Variants in CENPA observed in about 807,000 individuals in gnomAD.
CENPA encodes histone H3-like centromeric protein A.
A neutral mutation model predicts 17.2 loss-of-function variants in CENPA; 7 were observed. The observed-to-expected ratio is 0.41, with a 90% CI of 0.23 to 0.76. The LOEUF is 0.76. Among genes scored for constraint, CENPA ranks in the 30% least tolerant of loss-of-function variants. The pLI is 0.34. For missense variants in CENPA, 149 were observed against 193.1 expected, an observed-to-expected ratio of 0.77 and a Z score of 1.35; for synonymous variants, 82 against 77.4, an observed-to-expected ratio of 1.06 and a Z score of -0.31.
At position 26,792,134 on chromosome 2, in the gene CENPA, C is replaced by G; in HGVS notation, c.104C>G (p.Ala35Gly). 6.2e-7 allele frequency: 1 copy of G among 1,613,686 alleles called. No homozygotes were observed. ...AACTTACCTTTCTTTTGCTCAGGCG[C>G]TTCCTCCCATCAACACAGTCGGCGG... ...GPSRRGPSLG[A>G]SSHQHSRRRQ... Residue 35 changes from alanine to glycine, a missense_variant, in exon 2 of 5, where the codon GCT (alanine) becomes GGT (glycine). Around this residue, in one of 2 missense-constraint regions of CENPA, gnomAD observed 95 missense variants for 87.5 expected, o/e 1.09. Coordinates refer to ENST00000335756, the MANE Select transcript of CENPA (RefSeq NM_001809.4).
intron 1 of CENPA, among the ~76,000 whole-genome samples, chr2:26,791,182 G>A (rs1007357): frequency 0.28 from 42,173 of 151,938 alleles, 6,442 homozygotes; most frequent in Non-Finnish European, 0.34. Flanking sequence ...TTGACTGCTT[G>A]GCTCAGATAC....
At chr2:26,786,459 G>A (rs552968726) in intron 1 of CENPA, among the ~76,000 whole-genome samples, 163 bp downstream of exon 1, 1 of 152,258 alleles carries the variant, frequency 6.6e-6, no homozygotes, top group Non-Finnish European at 1.5e-5. Context: ...CCTGCGAGGG[G>A]CTGGAGCAGG....
chr2:26,791,731 G>C (rs1664617919), intron 1 of CENPA, among the ~76,000 whole-genome samples: 1 of 152,156 alleles, frequency 6.6e-6, no homozygotes, highest in South Asian at 2.1e-4. Context: ...AAAGATCTAA[G>C]ACTTGTACAA....
rs758648477 is a variant in CENPA at position 26,792,815 on chromosome 2, C to T, written c.270C>T (p.Ala90=). 1.9e-6 allele frequency: 3 copies of T among 1,614,104 alleles called. No individual in the cohort carries two copies. The highest frequency in any genetic ancestry group is 2.5e-6 in the Non-Finnish European group (3 of 1,180,014). The change falls in exon 3 of 5, where the codon GCC becomes GCT. Residue 90 remains alanine, a synonymous_variant. Transcript: ENST00000335756. ...TGGACTTCAATTGGCAAGCCCAGGC[C>T]CTATTGGCCCTACAAGAGGTAAGAA... ...RGVDFNWQAQ[A]LLALQEAAEA... is the part of the protein sequence containing the mutation.
At chr2:26,789,545 C>A (rs1664578684) in intron 1 of CENPA, among the ~76,000 whole-genome samples, 1 of 151,970 alleles carries the variant, frequency 6.6e-6, no homozygotes, top group South Asian at 2.1e-4. Flanking sequence ...CCCCAGATAC[C>A]TATATCTAAC....
intron 1 of CENPA, among the ~76,000 whole-genome samples, chr2:26,787,360 C>T (rs563665719): frequency 2.6e-5 from 4 of 151,510 alleles, no homozygotes; most frequent in Non-Finnish European, 5.9e-5. Context: ...GGACTACAGG[C>T]GCCTACCACC....
At chr2:26,788,243 C>T (rs1664548317) in intron 1 of CENPA, among the ~76,000 whole-genome samples, 1 of 152,182 alleles carries the variant, frequency 6.6e-6, no homozygotes, top group African/African-American at 2.4e-5. Flanking sequence ...CCTTGACCTC[C>T]TGGGCTCATG....
chr2:26,787,517 C>T (rs1226198204), intron 1 of CENPA, among the ~76,000 whole-genome samples: 2 of 150,456 alleles, frequency 1.3e-5, no homozygotes, highest in African/African-American at 4.9e-5. Context: ...GCCCGGCCGG[C>T]TTTTTGGTTT....
Position 26,786,204 on chromosome 2 carries a change from C to T in CENPA, c.8C>T (p.Pro3Leu). MG[P>L]RRRSRKPEAP... ...CACCCTCTGCGGCGTGTCATGGGCC[C>T]GCGCCGCCGGAGCCGAAAGCCCGAG... Residue 3 changes from proline to leucine, a missense_variant, in exon 1 of 5, where the codon CCG becomes CTG. This residue lies in a region of CENPA where 95 missense variants were observed against 87.5 expected (regional missense o/e 1.09). Coordinates refer to ENST00000335756, the MANE Select transcript of CENPA (RefSeq NM_001809.4). The T allele has an allele frequency of 6.9e-7, 1 of 1,442,390 alleles. No individual in the cohort carries two copies. The highest frequency in any genetic ancestry group is 9.1e-7 in the Non-Finnish European group (1 of 1,103,994). 89.3% of individuals were successfully genotyped at this position (1,442,390 alleles called of 1,614,324 possible). A position where few individuals can be genotyped will look rare whatever the true frequency, so the allele number is the denominator to read the frequency against.
At chr2:26,786,372 A>G in intron 1 of CENPA, 76 bp downstream of exon 1, 1 of 1,271,790 alleles carries the variant, frequency 7.9e-7, no homozygotes. Flanking sequence ...CCGAGTCCCG[A>G]TCCCGTGGCA....
At chr2:26,792,701 A>G (rs1664643331) in intron 2 of CENPA, 55 bp from the exon 3 acceptor site, 15 of 1,390,824 alleles carry the variant, frequency 1.1e-5, no homozygotes, top group Non-Finnish European at 1.4e-5. Flanking sequence ...TGTCCCTTGA[A>G]TCTCTCTTCT....
chr2:26,788,978 T>C (rs1394538719), intron 1 of CENPA, among the ~76,000 whole-genome samples: 1 of 152,182 alleles, frequency 6.6e-6, no homozygotes, highest in African/African-American at 2.4e-5. Flanking sequence ...CCTGGCCGTA[T>C]TTACGATCTT....
At position 26,786,067 on chromosome 2, in the gene CENPA, A is replaced by G; in HGVS notation, c.-130A>G. 2.4e-6 allele frequency: 3 copies of G among 1,245,202 alleles called. No homozygotes were observed. Among genetic ancestry groups the G allele is most frequent in the African/African-American group, 3.1e-5 (2 of 63,732 alleles). The allele number at this position is 1,245,202 out of a possible 1,614,324, so 77.1% of individuals were successfully genotyped here. A position where few individuals can be genotyped will look rare whatever the true frequency, so the allele number is the denominator to read the frequency against. On this transcript the variant is annotated 5_prime_UTR_variant, in exon 1 of 5. Coordinates refer to ENST00000335756, the MANE Select transcript of CENPA (RefSeq NM_001809.4). ...AACGCGAGCGGCGCGGACTTCTGCC[A>G]AGCACCGGCTCATGTGAGGCTCGCG...
At position 26,793,295 on chromosome 2, in the gene CENPA, G is replaced by GTTTCT; in HGVS notation, c.*17_*21dup. On this transcript the variant is annotated 3_prime_UTR_variant, in exon 4 of 5. Coordinates refer to ENST00000335756, the MANE Select transcript of CENPA (RefSeq NM_001809.4). ...ACTCGGCTGAGCTCCTGCACCCAGT[G>GTTTCT]TTTCTGTCAGTCTTTCCTGCTCAGC... 1 of 1,613,018 alleles carries GTTTCT rather than the reference G, an allele frequency of 6.2e-7. No individual in the cohort carries two copies. Among genetic ancestry groups the GTTTCT allele is most frequent in the Non-Finnish European group, 8.5e-7 (1 of 1,179,820 alleles).
At chr2:26,786,545 C>G (rs1572639413) in intron 1 of CENPA, among the ~76,000 whole-genome samples, 2 of 152,062 alleles carry the variant, frequency 1.3e-5, no homozygotes, top group Non-Finnish European at 2.9e-5. Context: ...CTAGTGGTTA[C>G]CCAGCGCCCA....
intron 2 of CENPA, 65 bp from the exon 3 acceptor site, chr2:26,792,691 T>A: frequency 7.8e-7 from 1 of 1,289,406 alleles, no homozygotes. Context: ...AGAGCATCAT[T>A]GTCCCTTGAA....
Position 26,792,184 on chromosome 2 carries a change from C to G in CENPA, c.154C>G (p.Arg52Gly), listed in dbSNP as rs776697460. The G allele has an allele frequency of 6.2e-7, 1 of 1,613,978 alleles. No individual in the cohort carries two copies. Among genetic ancestry groups the G allele is most frequent in the Admixed American group, 1.7e-5 (1 of 59,986 alleles). Reference sequence around the variant, plus strand: ...GAGACAAGGTTGGCTAAAGGAGATCCGAAAGCTTCAGAAGAGCACACACCT... The same window carrying G: ...GAGACAAGGTTGGCTAAAGGAGATCGGAAAGCTTCAGAAGAGCACACACCT... The part of the protein sequence containing the change: ...RRRQGWLKEI[R>G]KLQKSTHLLI... The change falls in exon 2 of 5, where the codon CGA becomes GGA. Residue 52 changes from arginine to glycine, a missense_variant. Arg to Gly is a moderately radical substitution (Grantham distance 125). Transcript: ENST00000335756.
chr2:26,791,076 G>GT (rs145454725), intron 1 of CENPA, among the ~76,000 whole-genome samples: 3,370 of 152,248 alleles, frequency 0.022, 118 homozygotes, highest in African/African-American at 0.074. Flanking sequence ...CAACTGTGCT[G>GT]TTTTTTCTTT....
intron 4 of CENPA, among the ~76,000 whole-genome samples, 194 bp from the exon 5 acceptor site, chr2:26,793,618 A>C (rs113735880): frequency 6.6e-6 from 1 of 152,182 alleles, no homozygotes; most frequent in African/African-American, 2.4e-5. Context: ...GCTCACTGCA[A>C]CTCCTGCCTT....
Sources: allele counts gnomAD v4.1 joint callset (sites outside exome capture counted in the v4.1 genomes callset), GRCh38; gene constraint gnomAD v4.1.1; regional missense constraint gnomAD v4.1.1; transcripts MANE v1.5; gene names NCBI Gene and HGNC (gene_info 2026-07-23, HGNC 2026-07-21).